TANC1: variants seen among roughly 807,000 people sequenced by gnomAD.
TANC1 encodes the protein tetratricopeptide repeat, ankyrin repeat and coiled-coil containing 1.
In TANC1, 77 loss-of-function variants were observed where a neutral mutation model predicts 149.7. That is an observed-to-expected ratio of 0.51 (90% confidence interval 0.43 to 0.62). The LOEUF is 0.62. Among genes scored for constraint, TANC1 ranks in the 20% least tolerant of loss-of-function variants. TANC1 has a pLI of 0.00. For synonymous variants in TANC1, 854 were observed against 925.0 expected, an observed-to-expected ratio of 0.92 and a Z score of 1.39; for missense variants, 1,985 against 2,321.8, an observed-to-expected ratio of 0.85 and a Z score of 2.98.
intron 19 of TANC1, among the ~76,000 whole-genome samples, chr2:159,205,894 T>C (rs1459035925): frequency 1.3e-5 from 2 of 152,226 alleles, no homozygotes; most frequent in Admixed American, 6.5e-5. Flanking sequence ...GGAACGCACA[T>C]GGAGGATGCT....
At chr2:158,996,285 A>C (rs1178081608) in intron 1 of TANC1, among the ~76,000 whole-genome samples, 3 of 149,104 alleles carry the variant, frequency 2.0e-5, no homozygotes, top group African/African-American at 7.4e-5. Context: ...ACTTGAGCCT[A>C]GGAGGTTGAG....
chr2:159,153,860 G>C (rs796265060), intron 7 of TANC1, among the ~76,000 whole-genome samples: 1 of 152,118 alleles, frequency 6.6e-6, no homozygotes, highest in Non-Finnish European at 1.5e-5. Flanking sequence ...CAGCTTTTGG[G>C]CATTGTAAGT....
chr2:159,099,279 C>G (rs1460462988), intron 4 of TANC1, among the ~76,000 whole-genome samples: 1 of 152,108 alleles, frequency 6.6e-6, no homozygotes, highest in Non-Finnish European at 1.5e-5. Flanking sequence ...TGGGGAAGTT[C>G]CTGGAATGTC....
chr2:158,979,124 G>A (rs2034013994), intron 1 of TANC1, among the ~76,000 whole-genome samples: 1 of 152,178 alleles, frequency 6.6e-6, no homozygotes, highest in Non-Finnish European at 1.5e-5. Context: ...TGTGGAGTAA[G>A]TAGAATTCAT....
intron 4 of TANC1, among the ~76,000 whole-genome samples, chr2:159,113,402 G>C (rs1049620024): frequency 1.3e-5 from 2 of 152,208 alleles, no homozygotes; most frequent in Non-Finnish European, 2.9e-5. Context: ...TGTTTCCTTA[G>C]AAGAGTACTA....
Position 159,115,884 on chromosome 2 carries a change from G to T in TANC1, c.259+18050G>T, listed in dbSNP as rs554039134. Among the ~76,000 whole-genome samples the T allele has an allele frequency of 2.0e-5, 3 of 152,246 alleles. No individual in the cohort carries two copies. The South Asian group carries it at 6.2e-4, about 32-fold the overall frequency. On this transcript the variant is annotated intron_variant, in intron 4 of 26. Transcript: ENST00000263635. ...GAATTTCAGCCCTCGTTGGTCCTGG[G>T]ATTCCAAGTAATGCTGTTTCTGCCC...
At chr2:159,121,323 A>G (rs58482065) in intron 4 of TANC1, among the ~76,000 whole-genome samples, 4 of 152,326 alleles carry the variant, frequency 2.6e-5, no homozygotes, top group African/African-American at 7.2e-5. Context: ...GTGCTAAAGC[A>G]TAATTTTCTC....
chr2:159,011,931 G>C (rs1401628978), intron 2 of TANC1, among the ~76,000 whole-genome samples: 2 of 152,058 alleles, frequency 1.3e-5, no homozygotes, highest in African/African-American at 2.4e-5. Flanking sequence ...CAGTCCCCAA[G>C]AAGAAGGAGG....
chr2:159,112,536 G>A (rs951267658), intron 4 of TANC1, among the ~76,000 whole-genome samples: 2 of 150,198 alleles, frequency 1.3e-5, no homozygotes, highest in East Asian at 2.0e-4. Flanking sequence ...GATTACAGGC[G>A]TGAGCCACTG....
chr2:159,100,414 A>G (rs2149939074), intron 4 of TANC1, among the ~76,000 whole-genome samples: 1 of 152,322 alleles, frequency 6.6e-6, no homozygotes, highest in Admixed American at 6.5e-5. Context: ...TGTGTGGACC[A>G]CATTAGTTTT....
intron 4 of TANC1, among the ~76,000 whole-genome samples, chr2:159,108,778 G>A (rs2047436017): frequency 6.6e-6 from 1 of 152,160 alleles, no homozygotes; most frequent in African/African-American, 2.4e-5. Context: ...AAACTAAGAT[G>A]AACACAGAGT....
At chr2:159,018,082 G>T (rs928898807) in intron 2 of TANC1, among the ~76,000 whole-genome samples, 2 of 152,176 alleles carry the variant, frequency 1.3e-5, no homozygotes, top group Non-Finnish European at 2.9e-5. Context: ...AAGGCAGCCA[G>T]TTACATAGTG....
intron 14 of TANC1, 58 bp from the exon 15 acceptor site, chr2:159,185,733 G>A (rs1453729380): frequency 8.4e-7 from 1 of 1,186,404 alleles, no homozygotes; most frequent in South Asian, 1.3e-5. Flanking sequence ...TTGAGGGTGG[G>A]TCTGCGGTGT....
At chr2:159,019,651 C>CTTTTT (rs2038620199) in intron 2 of TANC1, among the ~76,000 whole-genome samples, 7 of 61,278 alleles carry the variant, frequency 1.1e-4, no homozygotes, top group Non-Finnish European at 1.7e-4. Flanking sequence ...TGCTTTCTTT[C>CTTTTT]TGTTTTTTTT....
intron 13 of TANC1, among the ~76,000 whole-genome samples, chr2:159,177,272 A>G (rs181032905): frequency 2.6e-5 from 4 of 152,132 alleles, no homozygotes; most frequent in Non-Finnish European, 5.9e-5. Context: ...CTTAAGCATG[A>G]GGTAACATTT....
At chr2:159,158,842 C>G (rs992264442) in intron 7 of TANC1, among the ~76,000 whole-genome samples, 1 of 152,198 alleles carries the variant, frequency 6.6e-6, no homozygotes, top group African/African-American at 2.4e-5. Context: ...GGTCTGGAGA[C>G]GCATACCTCC....
chr2:159,209,353 C>G (rs1309869687), intron 19 of TANC1, among the ~76,000 whole-genome samples: 1 of 152,206 alleles, frequency 6.6e-6, no homozygotes, highest in Non-Finnish European at 1.5e-5. Flanking sequence ...GTATGTTCTT[C>G]TTTCTAATAG....
chr2:159,156,124 C>T (rs2053407349), intron 7 of TANC1, among the ~76,000 whole-genome samples: 1 of 152,172 alleles, frequency 6.6e-6, no homozygotes, highest in African/African-American at 2.4e-5. Context: ...TATGCTAATA[C>T]TGCTTTGTTG....
intron 2 of TANC1, among the ~76,000 whole-genome samples, chr2:159,009,972 T>C (rs1330331026): frequency 6.6e-6 from 1 of 152,206 alleles, no homozygotes; most frequent in Non-Finnish European, 1.5e-5. Context: ...TTCTGTGAAT[T>C]AACAATTAAA....
Sources: allele counts gnomAD v4.1 joint callset (sites outside exome capture counted in the v4.1 genomes callset), GRCh38; gene constraint gnomAD v4.1.1; transcripts MANE v1.5; gene names NCBI Gene and HGNC (gene_info 2026-07-23, HGNC 2026-07-21).